Variants in SBNO2 observed in about 807,000 individuals in gnomAD.
SBNO2 encodes protein strawberry notch homolog 2.
In SBNO2, 89 loss-of-function variants were observed where a neutral mutation model predicts 146.3. That is an observed-to-expected ratio of 0.61 (90% confidence interval 0.51 to 0.73). SBNO2 has a LOEUF of 0.73. Ranked by LOEUF, SBNO2 falls within the 30% of genes least tolerant of loss-of-function variation. The pLI is 0.00. For synonymous variants in SBNO2, 1,147 were observed against 892.6 expected (o/e 1.29, Z -5.08); for missense variants, 2,092 against 2,003.7 (o/e 1.04, Z -0.84).
chr19:1,113,511 C>G, intron 19 of SBNO2, 24 bp downstream of exon 19: 4 of 1,578,524 alleles, frequency 2.5e-6, no homozygotes, highest in Non-Finnish European at 3.4e-6. Flanking sequence ...GCCCACCACA[C>G]TCCAGCTGCC....
rs937378941 is a variant in SBNO2, at chr19:1,173,147, G to A, written c.-127+1025C>T. 3.0e-4 allele frequency among the ~76,000 whole-genome samples: 46 copies of A among 152,276 alleles called. No individual in the cohort carries two copies. The highest frequency in any genetic ancestry group is 1.1e-3 in the African/African-American group (46 of 41,556). On this transcript the variant is annotated intron_variant, in intron 1 of 31. Coordinates refer to ENST00000361757, the MANE Select transcript of SBNO2 (RefSeq NM_014963.3). This position sits in a 1 kb window ranked among gnomAD's most constrained non-coding sequence, Gnocchi z 4.7. ...CCCCCACGCCCCAGGTCAGTCTGGG[G>A]ATTGGTCCCTCCAGGCCCCACCTGC... is the stretch of plus-strand genomic sequence containing the variant.
intron 2 of SBNO2, among the ~76,000 whole-genome samples, chr19:1,153,780 T>G (rs2080263575): frequency 6.6e-6 from 1 of 152,216 alleles, no homozygotes; most frequent in Admixed American, 6.5e-5. Context: ...TCAGGTGATC[T>G]GCCCACCTCC....
intron 1 of SBNO2, among the ~76,000 whole-genome samples, chr19:1,162,909 G>A: frequency 6.6e-6 from 1 of 152,230 alleles, no homozygotes; most frequent in East Asian, 1.9e-4. Flanking sequence ...GAGGGGAGGG[G>A]ACGTTGGGGC....
intron 4 of SBNO2, chr19:1,132,408 G>A (rs1041315441): frequency 1.7e-6 from 1 of 605,126 alleles, no homozygotes; most frequent in African/African-American, 2.0e-5. Flanking sequence ...ATCTCCCACA[G>A]GCGCTGTCAA....
chr19:1,172,943 T>C (rs1875165289), intron 1 of SBNO2, among the ~76,000 whole-genome samples: 1 of 150,998 alleles, frequency 6.6e-6, no homozygotes, highest in Admixed American at 6.6e-5. Context: ...ACAACAGGCA[T>C]TCCGGGAAGA....
Position 1,173,426 on chromosome 19 carries a change from C to G in SBNO2, c.-127+746G>C, listed in dbSNP as rs779635193. On this transcript the variant is annotated intron_variant, in intron 1 of 31. Coordinates refer to ENST00000361757, the MANE Select transcript of SBNO2 (RefSeq NM_014963.3). The surrounding 1 kb of genome is among the most constrained non-coding windows in gnomAD (Gnocchi z 4.7). ...ACCTAATATCAGCAAGCCCCCATCC[C>G]AAACCGGGGGACCTCCATGCAGAAA... 6.6e-6 allele frequency among the ~76,000 whole-genome samples: 1 copy of G among 152,218 alleles called. No homozygotes were observed. The highest frequency in any genetic ancestry group is 2.4e-5 in the African/African-American group (1 of 41,452).
chr19:1,163,494 G>T (rs1373933149), intron 1 of SBNO2, among the ~76,000 whole-genome samples: 1 of 152,216 alleles, frequency 6.6e-6, no homozygotes, highest in Non-Finnish European at 1.5e-5. Flanking sequence ...CTCGTCCAGG[G>T]AGGAGGCTGC....
In SBNO2 at chr19:1,108,202, G is replaced by A. The variant is rs1476295692; in HGVS notation, c.*18C>T. ...AAACGGTCCCTGTGTCTTGGGGCAT[G>A]TTTCGCCTAAAGGCGTGTCAGAGAG... On this transcript the variant is annotated 3_prime_UTR_variant, in exon 32 of 32. Transcript: ENST00000361757. 1.3e-6 allele frequency: 2 copies of A among 1,523,754 alleles called. No homozygotes were observed. Among genetic ancestry groups the A allele is most frequent in the Non-Finnish European group, 8.8e-7 (1 of 1,133,486 alleles). The allele number at this position is 1,523,754 out of a possible 1,614,324, so 94.4% of individuals were successfully genotyped here.
chr19:1,117,480 A>C lies in SBNO2; in HGVS notation c.1547T>G (p.Val516Gly). Residue 516 changes from valine (V) to glycine (G), a missense_variant, in exon 15 of 32, where the codon GTG becomes GGG. Val to Gly is a moderately radical substitution (Grantham distance 109, BLOSUM62 -3). Transcript: ENST00000361757. ...AALLWAEALN[V>G]FQQAADWIGL... is the part of the protein sequence containing the mutation. ...GATCCAGTCGGCCGCCTGCTGGAAC[A>C]CGTTCAGGGCCTCGGCCCACTGCAA... 5 of 1,585,432 alleles carry C rather than the reference A, an allele frequency of 3.2e-6. No homozygotes were observed. Among genetic ancestry groups the C allele is most frequent in the Non-Finnish European group, 3.4e-6 (4 of 1,167,556 alleles).
rs769008081 is a variant in SBNO2, at chr19:1,108,700, G to C, written c.3621C>G (p.Ile1207Met). The change falls in exon 32 of 32, where the codon ATC (isoleucine) becomes ATG (methionine). Residue 1207 changes from isoleucine to methionine, a missense_variant. By Grantham distance (10) the Ile-to-Met change is conservative (BLOSUM62 1). Coordinates refer to ENST00000361757, the MANE Select transcript of SBNO2 (RefSeq NM_014963.3). ...KTKDRKKQVG[I>M]KIPEGCVRRV... The stretch of plus-strand genomic sequence containing the variant: ...GGCGCACGCAGCCCTCGGGGATCTT[G>C]ATGCCTGCGGGCAGAGCGTCGGGGT... 6.4e-7 allele frequency: 1 copy of C among 1,551,162 alleles called. No individual in the cohort carries two copies. The highest frequency in any genetic ancestry group is 8.6e-7 in the Non-Finnish European group (1 of 1,157,028).
At chr19:1,170,879 T>C (rs1376704064) in intron 1 of SBNO2, among the ~76,000 whole-genome samples, 1 of 150,828 alleles carries the variant, frequency 6.6e-6, no homozygotes, top group Non-Finnish European at 1.5e-5. Flanking sequence ...ACACACAAAA[T>C]ACATGTGTGA....
rs750763443 is a variant in SBNO2, at chr19:1,109,269, A to G, written c.3348+23T>C. Reference sequence around the variant, plus strand: ...GGTCAGGGCCGGCAACCCGAGCGAAAGCTGCGCCCGGCGGCCGCCTACCCG... The same window carrying G: ...GGTCAGGGCCGGCAACCCGAGCGAAGGCTGCGCCCGGCGGCCGCCTACCCG... On this transcript the variant is annotated intron_variant, in intron 29 of 31. Transcript: ENST00000361757. This position sits in a 1 kb window ranked among gnomAD's most constrained non-coding sequence, Gnocchi z 4.2. 2.5e-6 allele frequency: 4 copies of G among 1,584,356 alleles called. No individual in the cohort carries two copies. The highest frequency in any genetic ancestry group is 3.4e-6 in the Non-Finnish European group (4 of 1,166,034).
chr19:1,164,376 G>A (rs533236674), intron 1 of SBNO2, among the ~76,000 whole-genome samples: 299 of 144,208 alleles, frequency 2.1e-3, no homozygotes, highest in African/African-American at 7.4e-3. Context: ...AGATGCCAGG[G>A]GCAGTGGAGA....
In SBNO2 at chr19:1,108,782, C is replaced by CT; in HGVS notation, c.3612dup (p.Val1205SerfsTer167). 6.2e-7 allele frequency: 1 copy of CT among 1,602,524 alleles called. No individual in the cohort carries two copies. The highest frequency in any genetic ancestry group is 8.5e-7 in the Non-Finnish European group (1 of 1,178,860). On this transcript the variant is annotated frameshift_variant, in exon 31 of 32. Transcript: ENST00000361757. LOFTEE classifies it low-confidence loss of function (END_TRUNC). ...GGGGCGCCCGCCGCCCACTCACCCA[C>CT]TTGCTTCTTCCTGTCCTTGGTCTTC...
In SBNO2 at chr19:1,144,618, G is replaced by A. The variant is rs918746721; in HGVS notation, c.279+2691C>T. On this transcript the variant is annotated intron_variant, in intron 4 of 31. Coordinates refer to ENST00000361757, the MANE Select transcript of SBNO2 (RefSeq NM_014963.3). This position sits in a 1 kb window ranked among gnomAD's most constrained non-coding sequence, Gnocchi z 4.1. ...GAGACATAGAGACAGAGGCAGAGAG[G>A]GAAACAGACGAAGACAGAGAGGGCG... is the stretch of plus-strand genomic sequence containing the variant. 6.7e-6 allele frequency among the ~76,000 whole-genome samples: 1 copy of A among 149,842 alleles called. No homozygotes were observed. The highest frequency in any genetic ancestry group is 6.7e-5 in the Admixed American group (1 of 15,034).
intron 4 of SBNO2, among the ~76,000 whole-genome samples, chr19:1,139,898 T>C (rs576064512): frequency 3.0e-4 from 45 of 151,986 alleles, no homozygotes; most frequent in Non-Finnish European, 4.9e-4. Context: ...TGAGCCGAGA[T>C]AGATCACACC....
chr19:1,132,096 C>G lies in SBNO2; in HGVS notation c.280-4331G>C. 4 of 1,542,084 alleles carry G rather than the reference C, an allele frequency of 2.6e-6. No individual in the cohort carries two copies. In the East Asian group the frequency reaches 1.1e-4, roughly 41 times the overall value. Reference sequence around the variant, plus strand: ...CCCGGGAAGGGAGTGTTACCTTGTTCAGAGCCTCAAACTGCAGCCACAGCT... The same window carrying G: ...CCCGGGAAGGGAGTGTTACCTTGTTGAGAGCCTCAAACTGCAGCCACAGCT... On this transcript the variant is annotated intron_variant, in intron 4 of 31. Transcript: ENST00000361757.
chr19:1,120,049 A>C, intron 11 of SBNO2, 26 bp from the exon 12 acceptor site: 1 of 1,538,490 alleles, frequency 6.5e-7, no homozygotes, highest in East Asian at 2.4e-5. Flanking sequence ...GTTAAGGAGT[A>C]TTCTGAAGGA....
At chr19:1,161,867 G>A (rs1032072260) in intron 1 of SBNO2, among the ~76,000 whole-genome samples, 5 of 143,560 alleles carry the variant, frequency 3.5e-5, no homozygotes, top group African/African-American at 1.0e-4. Context: ...GCAGGGCCAG[G>A]AGGGTGAAAG....
Sources: gnomAD v4.1 joint callset for allele counts (sites outside exome capture counted in the v4.1 genomes callset) on GRCh38, gnomAD v4.1.1 for gene constraint, Gnocchi (gnomAD v3.1) non-coding constraint, MANE v1.5 for transcripts, NCBI Gene and HGNC (gene_info 2026-07-23, HGNC 2026-07-21) for gene names.